The following CFAP54 variants were observed in gnomAD, a reference collection of about 807,000 sequenced individuals.
CFAP54 encodes the protein cilia and flagella associated protein 54.
Under a neutral mutation model 370.4 loss-of-function variants are expected in CFAP54, and 290 were observed. That is an observed-to-expected ratio of 0.78 (90% CI 0.71 to 0.86). CFAP54 has a LOEUF of 0.86. Ranked by LOEUF, CFAP54 falls within the 40% of genes least tolerant of loss-of-function variation. The pLI is 0.00. For missense variants in CFAP54, 3,399 were observed against 3,528.7 expected, an observed-to-expected ratio of 0.96 and a Z score of 0.93; for synonymous variants, 1,206 against 1,236.5, an observed-to-expected ratio of 0.98 and a Z score of 0.52.
At chr12:96,706,827 T>C (rs144639264) in intron 47 of CFAP54, among the ~76,000 whole-genome samples, 1 of 152,190 alleles carries the variant, frequency 6.6e-6, no homozygotes, top group Non-Finnish European at 1.5e-5. Context: ...CACGTGTGTG[T>C]GTGCTGGAGA....
At chr12:96,630,793 G>A (rs1259986390) in intron 32 of CFAP54, 142 bp downstream of exon 32, 12 of 438,412 alleles carry the variant, frequency 2.7e-5, no homozygotes, top group African/African-American at 4.1e-5. Flanking sequence ...AATGAAAAAA[G>A]CATAGTAAAC....
chr12:96,549,697 A>G (rs539948955), intron 15 of CFAP54, among the ~76,000 whole-genome samples: 7 of 152,354 alleles, frequency 4.6e-5, no homozygotes, highest in African/African-American at 1.4e-4. Flanking sequence ...CTGGAAAATT[A>G]TAATAGTACC....
At chr12:96,834,152 G>A (rs995016142) in intron 66 of CFAP54, among the ~76,000 whole-genome samples, 4 of 152,326 alleles carry the variant, frequency 2.6e-5, no homozygotes, top group Admixed American at 1.3e-4. Context: ...GGGTGAGAAA[G>A]TGAAGGTTGA....
At chr12:96,623,904 C>T in intron 28 of CFAP54, 23 bp downstream of exon 28, 1 of 1,396,116 alleles carries the variant, frequency 7.2e-7, no homozygotes, top group South Asian at 1.3e-5. Context: ...TTTCTGTATA[C>T]TTCCATTTAG....
rs753770901 is a variant in CFAP54, at chr12:96,875,436, G to C, written c.*333G>C. On this transcript the variant is annotated 3_prime_UTR_variant, in exon 68 of 68. Coordinates refer to ENST00000524981, the MANE Select transcript of CFAP54 (RefSeq NM_001306084.2). ...CCAGGTCTGTATATCTCCTCAGCTC[G>C]CTCTCATTTGTCCAGCTTATCTATT... is the stretch of plus-strand genomic sequence containing the variant. The C allele has an allele frequency of 1.3e-5, 2 of 152,080 alleles. No individual in the cohort carries two copies. The highest frequency in any genetic ancestry group is 2.9e-5 in the Non-Finnish European group (2 of 68,024). The allele number at this position is 152,080 out of a possible 1,614,324, so 9.4% of individuals were successfully genotyped here.
At position 96,742,550 on chromosome 12, in the gene CFAP54, T is replaced by G; in HGVS notation, c.7183T>G (p.Phe2395Val). 6.2e-7 allele frequency: 1 copy of G among 1,613,356 alleles called. No homozygotes were observed. Among genetic ancestry groups the G allele is most frequent in the Non-Finnish European group, 8.5e-7 (1 of 1,179,726 alleles). Residue 2395 changes from phenylalanine to valine, a missense_variant, in exon 52 of 68, where the codon TTT (phenylalanine) becomes GTT (valine). Around this residue, in one of 3 missense-constraint regions of CFAP54, gnomAD observed 2,796 missense variants for 2,869.7 expected, o/e 0.97. Coordinates refer to ENST00000524981, the MANE Select transcript of CFAP54 (RefSeq NM_001306084.2). ...LRCRLALVTA[F>V]VAQIHGIGIV... Reference sequence around the variant, plus strand: ...GTGCCGCTTAGCATTGGTGACTGCATTTGTTGCACAGATTCATGGCATTGG... The same window carrying G: ...GTGCCGCTTAGCATTGGTGACTGCAGTTGTTGCACAGATTCATGGCATTGG...
At chr12:96,833,652 A>G (rs1959177661) in intron 66 of CFAP54, among the ~76,000 whole-genome samples, 1 of 151,952 alleles carries the variant, frequency 6.6e-6, no homozygotes, top group South Asian at 2.1e-4. Flanking sequence ...TATCAGATGT[A>G]TTATATAAGG....
chr12:96,684,985 G>A (rs752730560), intron 41 of CFAP54, 44 bp from the exon 42 acceptor site: 9 of 1,571,564 alleles, frequency 5.7e-6, no homozygotes, highest in Non-Finnish European at 7.0e-6. Context: ...ATTTAATAAT[G>A]GGTCTCAGAA....
chr12:96,597,307 T>G (rs77024771), intron 25 of CFAP54, among the ~76,000 whole-genome samples: 2,259 of 152,100 alleles, frequency 0.015, 151 homozygotes, highest in Admixed American at 0.12. Context: ...TTCCTGGACC[T>G]GAGGAACCTA....
chr12:96,754,195 A>G (rs1158040850), intron 56 of CFAP54, among the ~76,000 whole-genome samples: 2 of 152,224 alleles, frequency 1.3e-5, no homozygotes, highest in African/African-American at 4.8e-5. Context: ...CCTCTTAGCT[A>G]TAAATAATAT....
At position 96,743,468 on chromosome 12, in the gene CFAP54, A is replaced by G; in HGVS notation, c.7286A>G (p.Asp2429Gly). ...TGTATGGAGGCAAAAAGCGCAGGGG[A>G]CACGGAACTGCAGGCTGAATTCTTG... ...EVCMEAKSAG[D>G]TELQAEFLTQ... Residue 2429 changes from aspartate to glycine, a missense_variant, in exon 53 of 68, where the codon GAC (aspartate) becomes GGC (glycine). Asp to Gly is a moderately conservative substitution (Grantham distance 94). This residue lies in a region of CFAP54 where 2,796 missense variants were observed against 2,869.7 expected (regional missense o/e 0.97). Transcript: ENST00000524981. 6.2e-7 allele frequency: 1 copy of G among 1,614,116 alleles called. No individual in the cohort carries two copies. Among genetic ancestry groups the G allele is most frequent in the Non-Finnish European group, 8.5e-7 (1 of 1,179,976 alleles).
intron 64 of CFAP54, among the ~76,000 whole-genome samples, chr12:96,814,908 G>A (rs1958960698): frequency 6.6e-6 from 1 of 152,148 alleles, no homozygotes; most frequent in Non-Finnish European, 1.5e-5. Context: ...ATGGCTGCTA[G>A]TATTCCGTGG....
intron 58 of CFAP54, among the ~76,000 whole-genome samples, chr12:96,758,315 A>C (rs1037051469): frequency 1.3e-5 from 2 of 152,190 alleles, no homozygotes; most frequent in Admixed American, 6.5e-5. Flanking sequence ...TAACGGACTC[A>C]TAGTTCCATG....
At chr12:96,862,608 C>T (rs577318864) in intron 67 of CFAP54, among the ~76,000 whole-genome samples, 1 of 152,142 alleles carries the variant, frequency 6.6e-6, no homozygotes, top group South Asian at 2.1e-4. Context: ...AAACAAAAGA[C>T]AAGAAGACTG....
At chr12:96,584,616 A>G (rs1259842839) in intron 22 of CFAP54, among the ~76,000 whole-genome samples, 2 of 150,208 alleles carry the variant, frequency 1.3e-5, no homozygotes, top group Non-Finnish European at 3.0e-5. Flanking sequence ...GCTAGATGTC[A>G]TCACTTCATC....
chr12:96,501,868 G>A (rs555458166), intron 2 of CFAP54, among the ~76,000 whole-genome samples: 3 of 152,232 alleles, frequency 2.0e-5, no homozygotes, highest in Non-Finnish European at 4.4e-5. Context: ...CACATAAATG[G>A]ACCATGGGTC....
At chr12:96,639,708 G>A (rs944055887) in intron 32 of CFAP54, among the ~76,000 whole-genome samples, 16 of 152,282 alleles carry the variant, frequency 1.1e-4, no homozygotes, top group African/African-American at 3.9e-4. Flanking sequence ...GAATCCAGCA[G>A]CACATCAAAA....
intron 38 of CFAP54, among the ~76,000 whole-genome samples, chr12:96,660,066 C>T (rs985978043): frequency 2.6e-5 from 4 of 152,126 alleles, no homozygotes; most frequent in East Asian, 1.9e-4. Flanking sequence ...AATAAGTCAA[C>T]GGACTAGAGA....
At chr12:96,795,783 G>T (rs1032997165) in intron 63 of CFAP54, among the ~76,000 whole-genome samples, 35 of 152,126 alleles carry the variant, frequency 2.3e-4, no homozygotes, top group African/African-American at 8.2e-4. Context: ...CTCCCCATTT[G>T]CCCCCTCCTC....
Sources: gnomAD v4.1 joint callset for allele counts (sites outside exome capture counted in the v4.1 genomes callset) on GRCh38, gnomAD v4.1.1 for gene constraint, gnomAD v4.1.1 regional missense constraint, MANE v1.5 for transcripts, NCBI Gene and HGNC (gene_info 2026-07-23, HGNC 2026-07-21) for gene names.